Variants in ADAMTS2 observed in about 807,000 individuals in gnomAD.
ADAMTS2 encodes the protein A disintegrin and metalloproteinase with thrombospondin motifs 2.
Under a neutral mutation model 123.0 loss-of-function variants are expected in ADAMTS2, and 50 were observed. That is an observed-to-expected ratio of 0.41 (90% CI 0.32 to 0.51). ADAMTS2 has a LOEUF of 0.51. Among genes scored for constraint, ADAMTS2 ranks in the 20% least tolerant of loss-of-function variants. ADAMTS2 has a pLI of 0.35. For missense variants in ADAMTS2, 1,494 were observed against 1,705.2 expected, an observed-to-expected ratio of 0.88 and a Z score of 2.18; for synonymous variants, 678 against 695.4, an observed-to-expected ratio of 0.98 and a Z score of 0.39.
At chr5:179,184,982 C>G (rs1167079906) in intron 4 of ADAMTS2, among the ~76,000 whole-genome samples, 2 of 152,170 alleles carry the variant, frequency 1.3e-5, no homozygotes, top group Non-Finnish European at 2.9e-5. Context: ...ACCTGAGAAA[C>G]AGAACAGGGT....
In ADAMTS2 at chr5:179,113,246, A is replaced by G. The variant is rs767525701; in HGVS notation, c.*621T>C. ...CGGGGATAGTAGAGCAGAGATGGAG[A>G]GAGATACAGATTTCACAGTGGCAGC... On this transcript the variant is annotated 3_prime_UTR_variant, in exon 22 of 22. Transcript: ENST00000251582. The G allele has an allele frequency of 1.3e-5, 2 of 158,648 alleles. No individual in the cohort carries two copies. Among genetic ancestry groups the G allele is most frequent in the Non-Finnish European group, 2.8e-5 (2 of 71,404 alleles). 9.8% of individuals were successfully genotyped at this position (158,648 alleles called of 1,614,324 possible).
chr5:179,261,056 C>T (rs932939242), intron 3 of ADAMTS2, among the ~76,000 whole-genome samples: 11 of 152,114 alleles, frequency 7.2e-5, no homozygotes, highest in African/African-American at 2.4e-4. Flanking sequence ...TTTTGTGCAA[C>T]TAACGCTAAC....
At chr5:179,183,298 C>T (rs1235135659) in intron 4 of ADAMTS2, among the ~76,000 whole-genome samples, 5 of 152,200 alleles carry the variant, frequency 3.3e-5, no homozygotes, top group Non-Finnish European at 7.3e-5. Flanking sequence ...GCTTGGCCAG[C>T]TTGGCTCATG....
At chr5:179,169,294 C>G (rs937843786) in intron 5 of ADAMTS2, among the ~76,000 whole-genome samples, 3 of 152,202 alleles carry the variant, frequency 2.0e-5, no homozygotes, top group African/African-American at 7.2e-5. Flanking sequence ...TGGGTCCTTA[C>G]GACACATCAG....
rs1331221248 is a variant in ADAMTS2 at position 179,155,912 on chromosome 5, C to T, written c.1133-993G>A. 6.6e-6 allele frequency among the ~76,000 whole-genome samples: 1 copy of T among 152,076 alleles called. No individual in the cohort carries two copies. Among genetic ancestry groups the T allele is most frequent in the Non-Finnish European group, 1.5e-5 (1 of 68,020 alleles). On this transcript the variant is annotated intron_variant, in intron 6 of 21. Coordinates refer to ENST00000251582, the MANE Select transcript of ADAMTS2 (RefSeq NM_014244.5). The surrounding 1 kb of genome is among the most constrained non-coding windows in gnomAD (Gnocchi z 5.1). Reference sequence around the variant, plus strand: ...AAGGGAAGGAGGGCCACTGGGACCCCGGGTGAGCTGGCGGTGTACGCGCCT... The same window carrying T: ...AAGGGAAGGAGGGCCACTGGGACCCTGGGTGAGCTGGCGGTGTACGCGCCT...
chr5:179,328,548 G>A lies in ADAMTS2; in HGVS notation c.534+15219C>T, dbSNP rs544556522. 1.5e-4 allele frequency among the ~76,000 whole-genome samples: 23 copies of A among 152,286 alleles called. No individual in the cohort carries two copies. The South Asian group carries it at 4.4e-3, about 29-fold the overall frequency. On this transcript the variant is annotated intron_variant, in intron 2 of 21. Coordinates refer to ENST00000251582, the MANE Select transcript of ADAMTS2 (RefSeq NM_014244.5). The stretch of plus-strand genomic sequence containing the variant: ...CAACCATGGGTATCAAGTGGTTCGT[G>A]GCAGCTCTGCACATGCATGTATGAT...
rs1762684658 is a variant in ADAMTS2, at chr5:179,117,593, C to T, written c.3179-3269G>A. 6.6e-6 allele frequency among the ~76,000 whole-genome samples: 1 copy of T among 151,280 alleles called. No homozygotes were observed. On this transcript the variant is annotated intron_variant, in intron 21 of 21. Coordinates refer to ENST00000251582, the MANE Select transcript of ADAMTS2 (RefSeq NM_014244.5). The surrounding 1 kb of genome is among the most constrained non-coding windows in gnomAD (Gnocchi z 4.2). ...TTTGAGATGAAGTCTTGCTCTGTCGCCCAGGCTGGAGTGCAGTGGCGTGAT... is the reference window on the plus strand; with the variant it reads ...TTTGAGATGAAGTCTTGCTCTGTCGTCCAGGCTGGAGTGCAGTGGCGTGAT...
chr5:179,229,002 C>G (rs1182852905), intron 3 of ADAMTS2, among the ~76,000 whole-genome samples: 1 of 152,164 alleles, frequency 6.6e-6, no homozygotes, highest in Non-Finnish European at 1.5e-5. Context: ...GGTTCTGGTC[C>G]CAGCAAAGCT....
Position 179,137,672 on chromosome 5 carries a change from G to C in ADAMTS2, c.1951+97C>G, listed in dbSNP as rs562767320. 2.6e-5 allele frequency: 39 copies of C among 1,488,880 alleles called. No individual in the cohort carries two copies. In the African/African-American group the frequency reaches 4.9e-4, roughly 19 times the overall value. 92.2% of individuals were successfully genotyped at this position (1,488,880 alleles called of 1,614,324 possible). A position where few individuals can be genotyped will look rare whatever the true frequency, so the allele number is the denominator to read the frequency against. On this transcript the variant is annotated intron_variant, in intron 12 of 21. Transcript: ENST00000251582. Reference sequence around the variant, plus strand: ...CTCCTGCCAGCCCAGGGTCGCGGCAGCCTTGCCCCATGCAGGATCAGAGGC... The same window carrying C: ...CTCCTGCCAGCCCAGGGTCGCGGCACCCTTGCCCCATGCAGGATCAGAGGC...
chr5:179,329,060 G>T (rs754103987), intron 2 of ADAMTS2, among the ~76,000 whole-genome samples: 1 of 152,180 alleles, frequency 6.6e-6, no homozygotes, highest in Non-Finnish European at 1.5e-5. Flanking sequence ...AGGCACAGTG[G>T]CTCATGCCTG....
At chr5:179,209,769 CAG>C (rs996792234) in intron 3 of ADAMTS2, among the ~76,000 whole-genome samples, 17 of 152,200 alleles carry the variant, frequency 1.1e-4, no homozygotes, top group Non-Finnish European at 2.2e-4. Flanking sequence ...TCAAGCCTGA[CAG>C]GGGGGTTGAG....
chr5:179,287,461 G>C (rs915051592), intron 2 of ADAMTS2, among the ~76,000 whole-genome samples: 1 of 152,214 alleles, frequency 6.6e-6, no homozygotes, highest in Non-Finnish European at 1.5e-5. Flanking sequence ...CAGAGCCCAC[G>C]ACTGGAGCCA....
intron 21 of ADAMTS2, among the ~76,000 whole-genome samples, chr5:179,116,681 A>T (rs1261486258): frequency 6.6e-6 from 1 of 152,254 alleles, no homozygotes; most frequent in Non-Finnish European, 1.5e-5. Flanking sequence ...ATCAATGTGA[A>T]TAACTGAGGA....
intron 5 of ADAMTS2, among the ~76,000 whole-genome samples, chr5:179,173,743 G>A (rs187647468): frequency 1.2e-4 from 19 of 152,264 alleles, no homozygotes; most frequent in Non-Finnish European, 2.2e-4. Flanking sequence ...GGCCAAATGC[G>A]GTGGCTCGCG....
intron 3 of ADAMTS2, among the ~76,000 whole-genome samples, chr5:179,211,148 G>T (rs1764841753): frequency 6.6e-6 from 1 of 152,244 alleles, no homozygotes; most frequent in Admixed American, 6.5e-5. Context: ...AGGGCTATTT[G>T]CTGCTCTCCC....
chr5:179,329,820 C>T (rs1581282274), intron 2 of ADAMTS2, among the ~76,000 whole-genome samples: 1 of 152,280 alleles, frequency 6.6e-6, no homozygotes, highest in East Asian at 1.9e-4. Flanking sequence ...GCCGTAACCA[C>T]CAGCCATTAA....
intron 2 of ADAMTS2, among the ~76,000 whole-genome samples, chr5:179,289,110 C>T (rs1001644063): frequency 1.1e-4 from 16 of 152,154 alleles, no homozygotes; most frequent in East Asian, 3.9e-4. Flanking sequence ...CACAGGACTG[C>T]GCCCCTCCTG....
Position 179,132,757 on chromosome 5 carries a change from G to C in ADAMTS2, c.2209+20C>G. 1 of 1,613,976 alleles carries C rather than the reference G, an allele frequency of 6.2e-7. No individual in the cohort carries two copies. ...CTGCAGGCATCCAGGCTCCAGGGTG[G>C]AGAGCAGGGACCCACTCACCATGCT... On this transcript the variant is annotated intron_variant, in intron 14 of 21. Transcript: ENST00000251582. This position sits in a 1 kb window ranked among gnomAD's most constrained non-coding sequence, Gnocchi z 6.1.
At chr5:179,147,815 T>A (rs1763279322) in intron 10 of ADAMTS2, among the ~76,000 whole-genome samples, 1 of 152,118 alleles carries the variant, frequency 6.6e-6, no homozygotes, top group Admixed American at 6.5e-5. Flanking sequence ...AGGGGAAGTG[T>A]ATCAGTGGCA....
Sources: gnomAD v4.1 joint callset for allele counts (sites outside exome capture counted in the v4.1 genomes callset) on GRCh38, gnomAD v4.1.1 for gene constraint, Gnocchi (gnomAD v3.1) non-coding constraint, MANE v1.5 for transcripts, NCBI Gene and HGNC (gene_info 2026-07-23, HGNC 2026-07-21) for gene names.